ADCY8: variants seen among roughly 807,000 people sequenced by gnomAD.
The protein encoded by ADCY8 is adenylate cyclase type 8.
ADCY8 carries 51 observed loss-of-function variants against 119.7 expected under a neutral mutation model. The observed-to-expected ratio is 0.43, with a 90% CI of 0.34 to 0.54. The LOEUF (loss-of-function observed/expected upper bound fraction) is 0.54, where lower values mean the gene tolerates loss of function less well. ADCY8 is among the 20% of genes least tolerant of loss of function. The pLI is 0.03. For synonymous variants in ADCY8, 665 were observed against 651.0 expected (o/e 1.02, Z -0.33); for missense variants, 1,383 against 1,598.8 (o/e 0.87, Z 2.30).
chr8:130,807,852 C>T (rs1256205775), intron 14 of ADCY8, among the ~76,000 whole-genome samples: 9 of 147,508 alleles, frequency 6.1e-5, no homozygotes, highest in East Asian at 2.0e-4. Flanking sequence ...GGCGTAGTGG[C>T]GGGCGCCTGT....
intron 5 of ADCY8, among the ~76,000 whole-genome samples, chr8:130,934,272 G>A (rs1161010955): frequency 3.9e-5 from 6 of 152,198 alleles, no homozygotes; most frequent in Admixed American, 6.5e-5. Flanking sequence ...TAGTTCCACG[G>A]GCTGTACAGG....
chr8:130,786,683 C>T (rs769547453), intron 15 of ADCY8, among the ~76,000 whole-genome samples: 1 of 152,128 alleles, frequency 6.6e-6, no homozygotes, highest in Non-Finnish European at 1.5e-5. Context: ...CTCTACCAAC[C>T]CAAGTAGGGA....
chr8:130,798,533 G>T (rs1815659559), intron 15 of ADCY8, among the ~76,000 whole-genome samples: 1 of 152,168 alleles, frequency 6.6e-6, no homozygotes, highest in South Asian at 2.1e-4. Context: ...GTAAGGCTGA[G>T]AGGAGGCAGG....
intron 2 of ADCY8, among the ~76,000 whole-genome samples, chr8:130,982,177 A>G (rs1822260389): frequency 6.6e-6 from 1 of 152,242 alleles, no homozygotes; most frequent in African/African-American, 2.4e-5. Context: ...AGTTCTTTGA[A>G]TGAAGTCAAT....
intron 2 of ADCY8, among the ~76,000 whole-genome samples, chr8:130,971,387 T>A (rs754304875): frequency 5.3e-5 from 8 of 152,176 alleles, no homozygotes; most frequent in Non-Finnish European, 1.0e-4. Flanking sequence ...GAGAACCCAA[T>A]GTTATTTGTA....
rs1265285923 is a variant in ADCY8 at position 131,040,718 on chromosome 8, A to C, written c.-385T>G. On this transcript the variant is annotated 5_prime_UTR_variant, in exon 1 of 18. Transcript: ENST00000286355. ...TGGCGCAGCCTTTGCTCTCCAAGAG[A>C]CGCCTAAGCGCCTGGGCGCCGTGCT... 1 of 167,720 alleles carries C rather than the reference A, an allele frequency of 6.0e-6. No individual in the cohort carries two copies. Among genetic ancestry groups the C allele is most frequent in the African/African-American group, 2.4e-5 (1 of 42,208 alleles). The allele number at this position is 167,720 out of a possible 1,614,324, so 10.4% of individuals were successfully genotyped here. A position where few individuals can be genotyped will look rare whatever the true frequency, so the allele number is the denominator to read the frequency against.
Position 131,040,128 on chromosome 8 carries a change from G to A in ADCY8, c.206C>T (p.Ser69Leu). The change falls in exon 1 of 18, where the codon TCG (serine) becomes TTG (leucine). Residue 69 changes from serine to leucine, a missense_variant. Coordinates refer to ENST00000286355, the MANE Select transcript of ADCY8 (RefSeq NM_001115.3). ...GTTGGGGCCGCCGCCCGCAGGGTCC[G>A]AGGCTTTGCCCGAGCCTCCACTCCC... ...GSGSGGSGKASDPAGGGPNHH... is the reference protein window; with the variant it reads ...GSGSGGSGKALDPAGGGPNHH... 1 of 1,531,846 alleles carries A rather than the reference G, an allele frequency of 6.5e-7. No individual in the cohort carries two copies. The highest frequency in any genetic ancestry group is 8.7e-7 in the Non-Finnish European group (1 of 1,145,210). 94.9% of individuals were successfully genotyped at this position (1,531,846 alleles called of 1,614,324 possible).
chr8:130,951,610 G>A (rs928763867), intron 3 of ADCY8, among the ~76,000 whole-genome samples: 5 of 152,166 alleles, frequency 3.3e-5, no homozygotes, highest in Non-Finnish European at 7.3e-5. Context: ...CACTCAAAAT[G>A]TAAAGACAGA....
chr8:130,947,855 C>T (rs909742684), intron 3 of ADCY8, among the ~76,000 whole-genome samples: 3 of 152,188 alleles, frequency 2.0e-5, no homozygotes, highest in Admixed American at 1.3e-4. Context: ...GGATGACTGT[C>T]CACCAGATCC....
In ADCY8 at chr8:130,858,573, T is replaced by TTG. The variant is rs575621281; in HGVS notation, c.2211-8772_2211-8771dup. 3.9e-5 allele frequency among the ~76,000 whole-genome samples: 6 copies of TTG among 152,300 alleles called. No individual in the cohort carries two copies. The East Asian group carries it at 1.2e-3, about 29-fold the overall frequency. ...CTTTATCCCCTGGCTGAGGTAGTGC[T>TTG]TGTGAGGTTTCTCCATATTTGCCCC... is the stretch of plus-strand genomic sequence containing the variant. On this transcript the variant is annotated intron_variant, in intron 9 of 17. Transcript: ENST00000286355.
intron 9 of ADCY8, among the ~76,000 whole-genome samples, chr8:130,855,506 G>A (rs1428912132): frequency 6.6e-6 from 1 of 152,022 alleles, no homozygotes; most frequent in Non-Finnish European, 1.5e-5. Context: ...ATGACTAGCT[G>A]CTGGGTGAGG....
Position 130,964,711 on chromosome 8 carries a change from G to A in ADCY8, c.1111-12713C>T, listed in dbSNP as rs142718093. 1.2e-4 allele frequency among the ~76,000 whole-genome samples: 18 copies of A among 152,294 alleles called. 1 individual carries two copies. Among genetic ancestry groups the A allele is most frequent in the African/African-American group, 4.1e-4 (17 of 41,568 alleles). On this transcript the variant is annotated intron_variant, in intron 2 of 17. Transcript: ENST00000286355. ...CTAATGCACTTTGGCTATGGTCTCT[G>A]TAAGAAACAATAGATCAACACTAAA...
Position 130,884,595 on chromosome 8 carries a change from A to T in ADCY8, c.2078T>A (p.Leu693Gln). 1 of 1,613,856 alleles carries T rather than the reference A, an allele frequency of 6.2e-7. No individual in the cohort carries two copies. Among genetic ancestry groups the T allele is most frequent in the East Asian group, 2.2e-5 (1 of 44,846 alleles). ...CTCCAGGCTGGAGTCTTTAAACATC[A>T]GTGAGAATGGCTTGATATGCTCTCT... The part of the protein sequence containing the change: ...LRREHIKPFS[L>Q]MFKDSSLEHK... Residue 693 changes from leucine (L) to glutamine (Q), a missense_variant, in exon 8 of 18, where the codon CTG becomes CAG. This residue lies in a region of ADCY8 where 928 missense variants were observed against 1,163.5 expected (regional missense o/e 0.80). Coordinates refer to ENST00000286355, the MANE Select transcript of ADCY8 (RefSeq NM_001115.3).
At chr8:130,993,699 T>A (rs937164199) in intron 1 of ADCY8, among the ~76,000 whole-genome samples, 3 of 152,224 alleles carry the variant, frequency 2.0e-5, no homozygotes, top group Non-Finnish European at 4.4e-5. Context: ...ATGTAAGACA[T>A]GCCTTTCTCC....
intron 1 of ADCY8, among the ~76,000 whole-genome samples, chr8:131,030,030 A>G (rs1218274059): frequency 6.6e-6 from 1 of 152,212 alleles, no homozygotes; most frequent in South Asian, 2.1e-4. Context: ...AGGGGCTCAT[A>G]GTCTGGTGGG....
chr8:130,888,220 A>T (rs12543125), intron 7 of ADCY8, among the ~76,000 whole-genome samples: 22,978 of 151,228 alleles, frequency 0.15, 1,827 homozygotes, highest in Non-Finnish European at 0.18. Flanking sequence ...TATATATATA[A>T]TAGAATACAT....
At chr8:130,822,082 A>T (rs1436221930) in intron 12 of ADCY8, among the ~76,000 whole-genome samples, 1 of 152,224 alleles carries the variant, frequency 6.6e-6, no homozygotes, top group East Asian at 1.9e-4. Flanking sequence ...TGAAGAAGGC[A>T]TGTTGTCTTT....
At chr8:130,907,862 C>T (rs762009987) in intron 6 of ADCY8, among the ~76,000 whole-genome samples, 3 of 152,110 alleles carry the variant, frequency 2.0e-5, no homozygotes, top group Middle Eastern at 3.2e-3. Flanking sequence ...AACATACTAC[C>T]CAACAGGTAG....
At chr8:130,861,691 A>T (rs984212663) in intron 9 of ADCY8, among the ~76,000 whole-genome samples, 2 of 152,054 alleles carry the variant, frequency 1.3e-5, no homozygotes, top group African/African-American at 4.8e-5. Flanking sequence ...TTGTTTCAAT[A>T]GCTAGGACTT....
Sources: allele counts gnomAD v4.1 joint callset (sites outside exome capture counted in the v4.1 genomes callset), GRCh38; gene constraint gnomAD v4.1.1; regional missense constraint gnomAD v4.1.1; transcripts MANE v1.5; gene names NCBI Gene and HGNC (gene_info 2026-07-23, HGNC 2026-07-21).